Variants in TMEM245 observed in about 807,000 individuals in gnomAD.
The protein encoded by TMEM245 is protein CG-2.
A neutral mutation model predicts 101.2 loss-of-function variants in TMEM245; 69 were observed. The ratio of observed to expected loss-of-function variants is 0.68; its 90% CI spans 0.56 to 0.83. The LOEUF (loss-of-function observed/expected upper bound fraction) is 0.83, where lower values mean the gene tolerates loss of function less well. Ranked by LOEUF, TMEM245 falls within the 40% of genes least tolerant of loss-of-function variation. TMEM245 has a pLI of 0.00. For missense variants in TMEM245, 1,075 were observed against 1,092.8 expected (o/e 0.98, Z 0.23); for synonymous variants, 537 against 449.8 (o/e 1.19, Z -2.45).
chr9:109,083,111 C>CA (rs200430625), intron 7 of TMEM245, among the ~76,000 whole-genome samples: 4,820 of 135,132 alleles, frequency 0.036, 97 homozygotes, highest in Middle Eastern at 0.059. Context: ...GAAGGTCAAG[C>CA]AAAAAAAAAA....
intron 3 of TMEM245, among the ~76,000 whole-genome samples, chr9:109,095,294 G>A (rs549741998): frequency 6.6e-6 from 1 of 152,248 alleles, no homozygotes; most frequent in African/African-American, 2.4e-5. Flanking sequence ...TGTGTGCTGG[G>A]GATAAAGACA....
At chr9:109,055,035 CA>C (rs1202500698) in intron 12 of TMEM245, among the ~76,000 whole-genome samples, 15 of 152,262 alleles carry the variant, frequency 9.9e-5, no homozygotes, top group African/African-American at 3.6e-4. Flanking sequence ...GATTACATGG[CA>C]AAACTGTTAT....
At chr9:109,090,865 A>G in intron 5 of TMEM245, 57 bp downstream of exon 5, 1 of 1,520,526 alleles carries the variant, frequency 6.6e-7, no homozygotes, top group Non-Finnish European at 8.9e-7. Context: ...AAAAGTAAAA[A>G]AAGAAAAAAA....
chr9:109,057,046 C>T, intron 12 of TMEM245, 145 bp downstream of exon 12: 1 of 863,830 alleles, frequency 1.2e-6, no homozygotes, highest in Non-Finnish European at 1.7e-6. Flanking sequence ...TGAACATCAT[C>T]CTAGTGCATT....
At chr9:109,106,032 A>G (rs1830407431) in intron 3 of TMEM245, among the ~76,000 whole-genome samples, 1 of 152,268 alleles carries the variant, frequency 6.6e-6, no homozygotes, top group Non-Finnish European at 1.5e-5. Context: ...TCAGCCTCCC[A>G]AAGTGCTGGG....
At chr9:109,115,152 GC>G (rs1830681191) in intron 1 of TMEM245, among the ~76,000 whole-genome samples, 1 of 152,114 alleles carries the variant, frequency 6.6e-6, no homozygotes, top group African/African-American at 2.4e-5. Flanking sequence ...TTCAAGACCA[GC>G]CTGGCCAACA....
At chr9:109,055,182 TAC>T (rs761074040) in intron 12 of TMEM245, among the ~76,000 whole-genome samples, 3 of 152,228 alleles carry the variant, frequency 2.0e-5, no homozygotes, top group Admixed American at 2.0e-4. Context: ...GTTCAACGAC[TAC>T]AGTCACAAAA....
chr9:109,088,808 T>A (rs1211790980), intron 5 of TMEM245, among the ~76,000 whole-genome samples: 3 of 94,584 alleles, frequency 3.2e-5, no homozygotes, highest in African/African-American at 9.1e-5. Flanking sequence ...AGAGCGAGAC[T>A]ACATCTCAAA....
At chr9:109,035,206 G>A (rs1351871731) in intron 16 of TMEM245, among the ~76,000 whole-genome samples, 1 of 143,272 alleles carries the variant, frequency 7.0e-6, no homozygotes, top group Non-Finnish European at 1.5e-5. Flanking sequence ...AATTCCAGCT[G>A]TAAACCTTAA....
Position 109,073,682 on chromosome 9 carries a change from A to T in TMEM245, c.1450-244T>A, listed in dbSNP as rs370316375. Among the ~76,000 whole-genome samples, 73 of 152,332 alleles carry T rather than the reference A, an allele frequency of 4.8e-4. 1 individual carries two copies. Among genetic ancestry groups the T allele is most frequent in the African/African-American group, 1.7e-3 (70 of 41,572 alleles). ...CACATTACTTAAGAAAAAAATACAT[A>T]AATAGATATGTTCAAATACTTGACA... On this transcript the variant is annotated intron_variant, in intron 8 of 17. Transcript: ENST00000374586.
At chr9:109,112,144 G>C in intron 1 of TMEM245, among the ~76,000 whole-genome samples, 1 of 151,932 alleles carries the variant, frequency 6.6e-6, no homozygotes, top group East Asian at 1.9e-4. Flanking sequence ...GTTTATCAAA[G>C]TATTCTAATA....
intron 17 of TMEM245, among the ~76,000 whole-genome samples, chr9:109,033,064 G>A (rs1828012099): frequency 6.6e-6 from 1 of 152,194 alleles, no homozygotes; most frequent in South Asian, 2.1e-4. Flanking sequence ...CTCCCAAAGT[G>A]CTGGGATTAT....
chr9:109,106,590 C>T lies in TMEM245; in HGVS notation c.717G>A (p.Trp239Ter). 6.2e-7 allele frequency: 1 copy of T among 1,612,564 alleles called. No individual in the cohort carries two copies. The highest frequency in any genetic ancestry group is 8.5e-7 in the Non-Finnish European group (1 of 1,179,100). ...LFHLASLAGS[W>*]RIPVFLVIVF... Reference sequence around the variant, plus strand: ...CAATAACCAGGAATACTGGAATTCTCCATGAGCCAGCCAGGGATGCTGCAA... The same window carrying T: ...CAATAACCAGGAATACTGGAATTCTTCATGAGCCAGCCAGGGATGCTGCAA... The change falls in exon 3 of 18, where the codon TGG becomes TGA. Residue 239 changes from tryptophan to a stop codon, truncating the protein, a stop_gained. Coordinates refer to ENST00000374586, the MANE Select transcript of TMEM245 (RefSeq NM_032012.4). LOFTEE classifies it high-confidence loss of function.
intron 9 of TMEM245, among the ~76,000 whole-genome samples, chr9:109,067,124 T>C (rs528568559): frequency 2.0e-5 from 3 of 150,902 alleles, no homozygotes; most frequent in Middle Eastern, 3.5e-3. Flanking sequence ...GATTCACAAA[T>C]GTCTATTGGG....
chr9:109,020,421 TTTGAAC>T lies in TMEM245; in HGVS notation c.*33_*38del. On this transcript the variant is annotated 3_prime_UTR_variant, in exon 18 of 18. Coordinates refer to ENST00000374586, the MANE Select transcript of TMEM245 (RefSeq NM_032012.4). ...CAGCTGAGCTGAACTCGCTGTCAAA[TTTGAAC>T]TTCCTAGAAAAATCACTGCAGAGGA... The T allele has an allele frequency of 1.2e-6, 2 of 1,606,642 alleles. No individual in the cohort carries two copies. Among genetic ancestry groups the T allele is most frequent in the Non-Finnish European group, 8.5e-7 (1 of 1,173,202 alleles).
chr9:109,043,971 T>C (rs1229535149), intron 14 of TMEM245, among the ~76,000 whole-genome samples: 1 of 152,204 alleles, frequency 6.6e-6, no homozygotes, highest in African/African-American at 2.4e-5. Flanking sequence ...TGTATATTTA[T>C]ACCGTATGGC....
intron 8 of TMEM245, among the ~76,000 whole-genome samples, chr9:109,080,171 C>T (rs1829626701): frequency 2.0e-5 from 3 of 152,044 alleles, no homozygotes; most frequent in Admixed American, 6.6e-5. Flanking sequence ...GCTTCACCAA[C>T]TCCTTGAAAA....
At chr9:109,049,992 A>G (rs1267127502) in intron 14 of TMEM245, among the ~76,000 whole-genome samples, 2 of 152,122 alleles carry the variant, frequency 1.3e-5, no homozygotes, top group African/African-American at 2.4e-5. Context: ...GGGTCTCACT[A>G]TGTTGTCCAG....
At chr9:109,079,792 C>G (rs1829616482) in intron 8 of TMEM245, among the ~76,000 whole-genome samples, 1 of 151,762 alleles carries the variant, frequency 6.6e-6, no homozygotes, top group Non-Finnish European at 1.5e-5. Context: ...AAAAAAAAGA[C>G]CATACTAATG....
Sources: allele counts gnomAD v4.1 joint callset (sites outside exome capture counted in the v4.1 genomes callset), GRCh38; gene constraint gnomAD v4.1.1; transcripts MANE v1.5; gene names NCBI Gene and HGNC (gene_info 2026-07-23, HGNC 2026-07-21).